Variants in GPHN observed in about 807,000 individuals in gnomAD.
GPHN encodes gephyrin.
GPHN carries 17 observed loss-of-function variants against 95.5 expected under a neutral mutation model. The ratio of observed to expected loss-of-function variants is 0.18; its 90% CI spans 0.12 to 0.27. GPHN has a LOEUF of 0.27. GPHN is among the 10% of genes least tolerant of loss of function. The probability of loss-of-function intolerance (pLI) is 1.00; values close to 1 mark genes in which losing one functional copy is unlikely to be tolerated. For synonymous variants in GPHN, 320 were observed against 322.5 expected, an observed-to-expected ratio of 0.99 and a Z score of 0.08; for missense variants, 660 against 978.1, an observed-to-expected ratio of 0.67 and a Z score of 4.34.
At chr14:66,524,718 A>C (rs947312627) in intron 1 of GPHN, among the ~76,000 whole-genome samples, 2 of 151,364 alleles carry the variant, frequency 1.3e-5, no homozygotes, top group South Asian at 4.2e-4. Context: ...TCATTCTTCA[A>C]CTCCCACTTA....
chr14:66,560,915 C>T (rs1332331353), intron 1 of GPHN, among the ~76,000 whole-genome samples: 1 of 152,130 alleles, frequency 6.6e-6, no homozygotes, highest in African/African-American at 2.4e-5. Context: ...AAATACATCC[C>T]ATCATTACCT....
At chr14:66,560,679 A>G (rs994393273) in intron 1 of GPHN, among the ~76,000 whole-genome samples, 3 of 152,128 alleles carry the variant, frequency 2.0e-5, no homozygotes, top group African/African-American at 7.2e-5. Context: ...CGATCATGTC[A>G]TCTGCAAACA....
the GPHN span, among the ~76,000 whole-genome samples, chr14:67,414,585 C>T: frequency 1.3e-4 from 20 of 152,274 alleles, no homozygotes; most frequent in East Asian, 2.9e-3. Context: ...CTTTTTGTCC[C>T]GAAGGGACAG....
the GPHN span, chr14:67,693,081 T>C: frequency 6.6e-7 from 1 of 1,507,806 alleles, no homozygotes; most frequent in Non-Finnish European, 9.2e-7. Context: ...AGCTCATCAA[T>C]TCTTCATTCT....
At chr14:66,713,716 G>T (rs1326732053) in intron 2 of GPHN, among the ~76,000 whole-genome samples, 1 of 151,156 alleles carries the variant, frequency 6.6e-6, no homozygotes, top group African/African-American at 2.4e-5. Context: ...TTTGTAGATT[G>T]CTTTTGGCAC....
chr14:66,561,254 A>T (rs577957351), intron 1 of GPHN, among the ~76,000 whole-genome samples: 8 of 152,336 alleles, frequency 5.3e-5, no homozygotes, highest in South Asian at 2.1e-4. Context: ...TGCTGGCCTC[A>T]TAAAATGAGG....
intron 5 of GPHN, among the ~76,000 whole-genome samples, chr14:66,893,645 A>C (rs1016691020): frequency 6.6e-6 from 1 of 152,162 alleles, no homozygotes; most frequent in Non-Finnish European, 1.5e-5. Context: ...TCCTTAAGCT[A>C]ATAAGCAACT....
At chr14:67,513,357 G>C in the GPHN span, among the ~76,000 whole-genome samples, 63,804 of 152,064 alleles carry the variant, frequency 0.42, 13,902 homozygotes, top group Non-Finnish European at 0.48. Flanking sequence ...CTTCTCTGGT[G>C]CAGTACCTGC....
intron 4 of GPHN, among the ~76,000 whole-genome samples, chr14:66,851,390 G>T (rs962684704): frequency 6.6e-6 from 1 of 151,842 alleles, no homozygotes; most frequent in Non-Finnish European, 1.5e-5. Context: ...CACCCAGACT[G>T]GAGTTAGAAT....
At chr14:67,407,961 G>A in the GPHN span, among the ~76,000 whole-genome samples, 3 of 152,112 alleles carry the variant, frequency 2.0e-5, no homozygotes, top group African/African-American at 7.2e-5. Flanking sequence ...TCCAGCCTGG[G>A]TAACATACTG....
At chr14:66,529,324 A>G (rs1426759374) in intron 1 of GPHN, among the ~76,000 whole-genome samples, 1 of 151,900 alleles carries the variant, frequency 6.6e-6, no homozygotes, top group Non-Finnish European at 1.5e-5. Context: ...CAGGTCATTT[A>G]TGTTCTTCTC....
At chr14:66,817,688 T>C (rs2061032071) in intron 3 of GPHN, among the ~76,000 whole-genome samples, 1 of 152,148 alleles carries the variant, frequency 6.6e-6, no homozygotes, top group African/African-American at 2.4e-5. Flanking sequence ...AATCTAAGCC[T>C]CACTCAGATG....
the GPHN span, chr14:67,692,642 G>T: frequency 1.3e-6 from 2 of 1,500,636 alleles, no homozygotes; most frequent in Non-Finnish European, 1.8e-6. Flanking sequence ...TTTTTGAGCT[G>T]GCATTATAAA....
chr14:66,884,113 C>G (rs1359024982), intron 5 of GPHN, among the ~76,000 whole-genome samples: 1 of 152,034 alleles, frequency 6.6e-6, no homozygotes, highest in East Asian at 1.9e-4. Context: ...AAAGAGATTC[C>G]TCTTACCTTA....
the GPHN span, chr14:67,380,653 G>T: frequency 6.8e-7 from 1 of 1,473,116 alleles, no homozygotes; most frequent in African/African-American, 1.5e-5. Flanking sequence ...TTATGTTTTT[G>T]ACCAGAGACC....
At chr14:66,536,273 T>C (rs1313855395) in intron 1 of GPHN, among the ~76,000 whole-genome samples, 3 of 152,184 alleles carry the variant, frequency 2.0e-5, no homozygotes, top group Non-Finnish European at 4.4e-5. Flanking sequence ...AAATCATGAA[T>C]AGGTGGTAAA....
chr14:67,334,875 T>C, the GPHN span: 1 of 152,206 alleles, frequency 6.6e-6, no homozygotes, highest in African/African-American at 2.4e-5. Flanking sequence ...TGGTTGACAA[T>C]GGAGTTTTGT....
At chr14:66,835,656 G>A (rs1036529617) in intron 4 of GPHN, among the ~76,000 whole-genome samples, 1 of 152,130 alleles carries the variant, frequency 6.6e-6, no homozygotes, top group Non-Finnish European at 1.5e-5. Flanking sequence ...AAGTCAAATT[G>A]TCCGTGTCTG....
intron 5 of GPHN, among the ~76,000 whole-genome samples, chr14:66,914,147 A>G (rs190481212): frequency 2.2e-4 from 34 of 152,150 alleles, no homozygotes; most frequent in Admixed American, 5.9e-4. Context: ...ACACACACAG[A>G]AAAATAGTGG....
Sources: allele counts gnomAD v4.1 joint callset (sites outside exome capture counted in the v4.1 genomes callset), GRCh38; gene constraint gnomAD v4.1.1; transcripts MANE v1.5; gene names NCBI Gene and HGNC (gene_info 2026-07-23, HGNC 2026-07-21).